PITPNM2: variants seen among roughly 807,000 people sequenced by gnomAD.
PITPNM2 encodes phosphatidylinositol transfer protein membrane associated 2, also known as membrane-associated phosphatidylinositol transfer protein 2.
PITPNM2 carries 35 observed loss-of-function variants against 132.2 expected under a neutral mutation model. The ratio of observed to expected loss-of-function variants is 0.26; its 90% confidence interval spans 0.20 to 0.35. The LOEUF (loss-of-function observed/expected upper bound fraction) is 0.35, where lower values mean the gene tolerates loss of function less well. PITPNM2 is among the 10% of genes least tolerant of loss of function. The pLI, the probability that PITPNM2 is intolerant of heterozygous loss-of-function variation, is 1.00. For missense variants in PITPNM2, 1,332 were observed against 1,912.0 expected (o/e 0.70, Z 5.66); for synonymous variants, 738 against 799.2 (o/e 0.92, Z 1.29).
chr12:123,039,685 C>T lies in PITPNM2; in HGVS notation c.-95-5000G>A, dbSNP rs182182091. On this transcript the variant is annotated intron_variant, in intron 2 of 25. Transcript: ENST00000320201. ...GAAAGTACAACATCAAGAGTGAGCC[C>T]TTGTGTAATCTACGGACTTAGGGCG... Among the ~76,000 whole-genome samples the T allele has an allele frequency of 5.1e-3, 775 of 152,238 alleles. 16 individuals are homozygous for T. Among genetic ancestry groups the T allele is most frequent in the Admixed American group, 0.038 (583 of 15,290 alleles).
chr12:123,011,778 T>C (rs549652456), intron 5 of PITPNM2, among the ~76,000 whole-genome samples: 13 of 152,212 alleles, frequency 8.5e-5, no homozygotes, highest in South Asian at 8.3e-4. Context: ...TGAAGGGGCC[T>C]GAACAGAGTC....
intron 2 of PITPNM2, among the ~76,000 whole-genome samples, chr12:123,052,595 A>T (rs1258698635): frequency 6.6e-6 from 1 of 152,194 alleles, no homozygotes; most frequent in Non-Finnish European, 1.5e-5. Context: ...CTCCAGCTAC[A>T]GCGACAGAGC....
chr12:123,056,977 A>G (rs1368911755), intron 2 of PITPNM2, among the ~76,000 whole-genome samples: 3 of 152,246 alleles, frequency 2.0e-5, no homozygotes, highest in Non-Finnish European at 2.9e-5. Flanking sequence ...GACAAGTCAG[A>G]GTACTCAGAA....
At chr12:123,042,126 C>A (rs2040503599) in intron 2 of PITPNM2, among the ~76,000 whole-genome samples, 2 of 151,820 alleles carry the variant, frequency 1.3e-5, no homozygotes, top group African/African-American at 4.8e-5. Context: ...GGGATGTCAC[C>A]CAAAGAATCA....
At position 123,082,327 on chromosome 12, in the gene PITPNM2, CCTTT is replaced by C. The variant is rs1238377028; in HGVS notation, c.-96+28054_-96+28057del. On this transcript the variant is annotated intron_variant, in intron 2 of 25. Coordinates refer to ENST00000320201, the MANE Select transcript of PITPNM2 (RefSeq NM_020845.3). This position sits in a 1 kb window ranked among gnomAD's most constrained non-coding sequence, Gnocchi z 5.4. ...ACTCTAACCCTGGCATTCCTCTGAC[CCTTT>C]CTAATTTTCTTCAGAGCGTTGATCG... Among the ~76,000 whole-genome samples the C allele has an allele frequency of 4.6e-5, 7 of 152,224 alleles. No homozygotes were observed. The highest frequency in any genetic ancestry group is 7.3e-5 in the Non-Finnish European group (5 of 68,036).
intron 3 of PITPNM2, 167 bp downstream of exon 3, chr12:123,034,346 G>A (rs776401136): frequency 5.2e-4 from 327 of 626,320 alleles, no homozygotes; most frequent in Non-Finnish European, 2.2e-4. Context: ...CTGTGCGCCT[G>A]GCATCGTGCC....
chr12:123,122,489 C>T (rs1213876493), intron 1 of PITPNM2, among the ~76,000 whole-genome samples: 2 of 152,054 alleles, frequency 1.3e-5, no homozygotes, highest in East Asian at 1.9e-4. Context: ...AAAGAAATGA[C>T]GTCAACTTAC....
At chr12:123,040,122 C>A (rs974063504) in intron 2 of PITPNM2, among the ~76,000 whole-genome samples, 1 of 151,746 alleles carries the variant, frequency 6.6e-6, no homozygotes, top group Non-Finnish European at 1.5e-5. Flanking sequence ...AGAGCGAGAC[C>A]CTATCTCAAA....
At position 122,992,659 on chromosome 12, in the gene PITPNM2, C is replaced by T; in HGVS notation, c.2244G>A (p.Leu748=). The change falls in exon 16 of 26, where the codon CTG becomes CTA. Residue 748 remains leucine, a synonymous_variant. Transcript: ENST00000320201. The surrounding 1 kb of genome is among the most constrained non-coding windows in gnomAD (Gnocchi z 6.5). Reference sequence around the variant, plus strand: ...TGTAGACTTGCTGGCAGGCCGGCCGCAGCTGGAAAACTGGGGGTGGGGGTG... The same window carrying T: ...TGTAGACTTGCTGGCAGGCCGGCCGTAGCTGGAAAACTGGGGGTGGGGGTG... ...TVIPALDVFQ[L]RPACQQVYNL... 6.4e-7 allele frequency: 1 copy of T among 1,555,976 alleles called. No individual in the cohort carries two copies. The highest frequency in any genetic ancestry group is 8.7e-7 in the Non-Finnish European group (1 of 1,147,650).
At chr12:123,029,862 A>G (rs1027790418) in intron 3 of PITPNM2, among the ~76,000 whole-genome samples, 2 of 151,376 alleles carry the variant, frequency 1.3e-5, no homozygotes, top group South Asian at 4.2e-4. Context: ...TGTGTGCACT[A>G]GAGCCATGGG....
In PITPNM2 at chr12:122,996,128, GCT is replaced by G. The variant is rs1485475250; in HGVS notation, c.1782+328_1782+329del. On this transcript the variant is annotated intron_variant, in intron 13 of 25. Coordinates refer to ENST00000320201, the MANE Select transcript of PITPNM2 (RefSeq NM_020845.3). Reference sequence around the variant, plus strand: ...AGAGATTGTGAGAAAAACTGCTACAGCTCTTTCAGGGCCCAGGCACTTTCCTT... The same window carrying G: ...AGAGATTGTGAGAAAAACTGCTACAGCTTTCAGGGCCCAGGCACTTTCCTT... Among the ~76,000 whole-genome samples, 6 of 152,328 alleles carry G rather than the reference GCT, an allele frequency of 3.9e-5. No homozygotes were observed. In the East Asian group the frequency reaches 7.7e-4, roughly 20 times the overall value.
chr12:123,001,185 T>G, intron 8 of PITPNM2, 27 bp from the exon 9 acceptor site: 1 of 1,587,366 alleles, frequency 6.3e-7, no homozygotes, highest in Non-Finnish European at 8.7e-7. Flanking sequence ...GAAACTCAGG[T>G]GGGACTGGGA....
intron 2 of PITPNM2, among the ~76,000 whole-genome samples, chr12:123,100,885 A>G (rs2042547980): frequency 6.6e-6 from 1 of 152,196 alleles, no homozygotes; most frequent in Non-Finnish European, 1.5e-5. Context: ...ACTCCATATA[A>G]CGTCTATAAC....
In PITPNM2 at chr12:123,004,728, G is replaced by C; in HGVS notation, c.953-239C>G. 1 of 602,468 alleles carries C rather than the reference G, an allele frequency of 1.7e-6. No individual in the cohort carries two copies. Among genetic ancestry groups the C allele is most frequent in the South Asian group, 1.9e-5 (1 of 51,520 alleles). 37.3% of individuals were successfully genotyped at this position (602,468 alleles called of 1,614,324 possible). ...TGTCCCGGGGAGCATGGGTGGGGAA[G>C]AGCATGACAGACATAAGCCCAGGAC... On this transcript the variant is annotated intron_variant, in intron 7 of 25. Transcript: ENST00000320201. This position sits in a 1 kb window ranked among gnomAD's most constrained non-coding sequence, Gnocchi z 4.9.
chr12:123,132,522 T>C (rs1169317879), intron 1 of PITPNM2, among the ~76,000 whole-genome samples: 3 of 87,994 alleles, frequency 3.4e-5, no homozygotes, highest in African/African-American at 1.3e-4. Context: ...TTTCTTTCCC[T>C]TTTTTTTTTT....
chr12:123,023,167 C>T lies in PITPNM2; in HGVS notation c.79-9125G>A, dbSNP rs1259131731. ...AGGAGTGGCCCTTGCTGCCAAAGAG[C>T]CTGACCCCAGGGTAGAAATGTGTCT... On this transcript the variant is annotated intron_variant, in intron 3 of 25. Coordinates refer to ENST00000320201, the MANE Select transcript of PITPNM2 (RefSeq NM_020845.3). The surrounding 1 kb of genome is among the most constrained non-coding windows in gnomAD (Gnocchi z 4.8). 6.6e-6 allele frequency among the ~76,000 whole-genome samples: 1 copy of T among 152,226 alleles called. No individual in the cohort carries two copies. Among genetic ancestry groups the T allele is most frequent in the Non-Finnish European group, 1.5e-5 (1 of 68,036 alleles).
chr12:123,015,563 A>C (rs2039391152), intron 3 of PITPNM2, among the ~76,000 whole-genome samples: 1 of 152,166 alleles, frequency 6.6e-6, no homozygotes, highest in Non-Finnish European at 1.5e-5. Context: ...AAGATTTACA[A>C]ATAAGAACTA....
At chr12:123,125,133 T>A (rs1353880309) in intron 1 of PITPNM2, among the ~76,000 whole-genome samples, 1 of 151,906 alleles carries the variant, frequency 6.6e-6, no homozygotes, top group Non-Finnish European at 1.5e-5. Context: ...AATTTTTGTA[T>A]TTTTTTTGTA....
At chr12:123,084,234 G>A (rs1257177576) in intron 2 of PITPNM2, 1 of 152,278 alleles carries the variant, frequency 6.6e-6, no homozygotes, top group Admixed American at 6.5e-5. Flanking sequence ...AAAAACAGCT[G>A]TACCTTTAAA....
Sources: gnomAD v4.1 joint callset for allele counts (sites outside exome capture counted in the v4.1 genomes callset) on GRCh38, gnomAD v4.1.1 for gene constraint, Gnocchi (gnomAD v3.1) non-coding constraint, MANE v1.5 for transcripts, NCBI Gene and HGNC (gene_info 2026-07-23, HGNC 2026-07-21) for gene names.